The following AIG1 variants were observed in gnomAD, a reference collection of about 807,000 sequenced individuals.
AIG1 encodes the protein androgen-induced gene 1 protein.
In AIG1, 23 loss-of-function variants were observed where a neutral mutation model predicts 31.4. The observed-to-expected ratio is 0.73, with a 90% confidence interval of 0.53 to 1.04. The LOEUF (loss-of-function observed/expected upper bound fraction) is 1.04. AIG1 is among the 50% of genes least tolerant of loss of function. The probability of loss-of-function intolerance (pLI) is 0.00; values close to 1 mark genes in which losing one functional copy is unlikely to be tolerated. For synonymous variants in AIG1, 100 were observed against 110.5 expected (o/e 0.90, Z 0.60); for missense variants, 274 against 295.0 (o/e 0.93, Z 0.52).
intron 4 of AIG1, among the ~76,000 whole-genome samples, chr6:143,307,323 T>C (rs1308681647): frequency 6.6e-6 from 1 of 152,162 alleles, no homozygotes; most frequent in Admixed American, 6.5e-5. Context: ...TCCCCATCTT[T>C]GTGGTTTTAT....
chr6:143,184,897 A>G (rs1020391394), intron 3 of AIG1, among the ~76,000 whole-genome samples: 10 of 152,124 alleles, frequency 6.6e-5, no homozygotes, highest in Admixed American at 3.9e-4. Context: ...GCAACCCCCA[A>G]TAGAAAATAT....
intron 2 of AIG1, among the ~76,000 whole-genome samples, chr6:143,153,788 A>T (rs1457552751): frequency 6.6e-6 from 1 of 152,164 alleles, no homozygotes; most frequent in African/African-American, 2.4e-5. Flanking sequence ...AGTTTCTTCT[A>T]GAATGATTAA....
intron 3 of AIG1, among the ~76,000 whole-genome samples, chr6:143,228,585 G>T (rs908671603): frequency 2.0e-5 from 3 of 152,208 alleles, no homozygotes; most frequent in African/African-American, 7.2e-5. Flanking sequence ...CAGCTGAGGA[G>T]CAGGAAAGAG....
chr6:143,172,276 G>A (rs1787711030), intron 3 of AIG1, among the ~76,000 whole-genome samples: 1 of 152,142 alleles, frequency 6.6e-6, no homozygotes, highest in African/African-American at 2.4e-5. Flanking sequence ...ATGTCTAGAA[G>A]GGTTTTGCTG....
intron 3 of AIG1, among the ~76,000 whole-genome samples, chr6:143,202,159 C>T (rs1458011339): frequency 6.6e-6 from 1 of 152,222 alleles, no homozygotes; most frequent in African/African-American, 2.4e-5. Context: ...CTCATTCCTA[C>T]TGTGCCATTG....
chr6:143,157,351 G>T (rs2328454), intron 2 of AIG1, among the ~76,000 whole-genome samples: 1 of 151,518 alleles, frequency 6.6e-6, no homozygotes, highest in East Asian at 1.9e-4. Flanking sequence ...ACCACAATCC[G>T]CAGAGTGCTC....
chr6:143,168,797 C>T (rs977220799), intron 3 of AIG1, among the ~76,000 whole-genome samples: 2 of 151,936 alleles, frequency 1.3e-5, no homozygotes, highest in African/African-American at 4.8e-5. Flanking sequence ...GAGTGAGACC[C>T]TGTCTCAAGA....
At chr6:143,269,961 C>T (rs1796397319) in intron 3 of AIG1, among the ~76,000 whole-genome samples, 1 of 152,076 alleles carries the variant, frequency 6.6e-6, no homozygotes, top group Admixed American at 6.5e-5. Flanking sequence ...GTGCACTTTT[C>T]TGTGATATGG....
At chr6:143,337,278 G>A (rs1237155688) in intron 5 of AIG1, among the ~76,000 whole-genome samples, 2 of 152,198 alleles carry the variant, frequency 1.3e-5, no homozygotes, top group Non-Finnish European at 2.9e-5. Context: ...GCAAGTCATG[G>A]GGGTCCAAGC....
In AIG1 at chr6:143,175,965, G is replaced by C. The variant is rs967093216; in HGVS notation, c.399+10782G>C. On this transcript the variant is annotated intron_variant, in intron 3 of 5. Coordinates refer to ENST00000357847, the MANE Select transcript of AIG1 (RefSeq NM_016108.4). ...TCAGACGGAAGATCTGGGATTCAAG[G>C]CTGCTGTTCAGATTCTTTGGTCCCT... is the stretch of plus-strand genomic sequence containing the variant. 1.3e-5 allele frequency among the ~76,000 whole-genome samples: 2 copies of C among 152,302 alleles called. 1 individual carries two copies. Among genetic ancestry groups the C allele is most frequent in the Admixed American group, 1.3e-4 (2 of 15,300 alleles).
At chr6:143,159,505 G>A (rs546758334) in intron 2 of AIG1, among the ~76,000 whole-genome samples, 15 of 152,314 alleles carry the variant, frequency 9.8e-5, no homozygotes, top group Non-Finnish European at 2.2e-4. Context: ...CTGGTTTTAA[G>A]ATAATTTGGG....
chr6:143,285,798 A>G (rs1797645119), intron 4 of AIG1, among the ~76,000 whole-genome samples: 2 of 152,024 alleles, frequency 1.3e-5, no homozygotes, highest in Admixed American at 6.5e-5. Context: ...TCTCTGATAA[A>G]AAATGTCCAA....
intron 2 of AIG1, among the ~76,000 whole-genome samples, chr6:143,150,046 A>G (rs1397680211): frequency 6.6e-6 from 1 of 152,220 alleles, no homozygotes; most frequent in Non-Finnish European, 1.5e-5. Flanking sequence ...TGACACCTAC[A>G]CCGTGAAATA....
chr6:143,248,065 C>T (rs938233316), intron 3 of AIG1, among the ~76,000 whole-genome samples: 4 of 152,144 alleles, frequency 2.6e-5, no homozygotes, highest in Non-Finnish European at 2.9e-5. Context: ...CTCAAAAGTA[C>T]TTGTTTGTGG....
chr6:143,111,616 C>T (rs955294604), intron 1 of AIG1, among the ~76,000 whole-genome samples: 1 of 152,196 alleles, frequency 6.6e-6, no homozygotes, highest in Non-Finnish European at 1.5e-5. Context: ...CTGAAATATC[C>T]TACACTACAA....
At chr6:143,295,986 A>T (rs939712618) in intron 4 of AIG1, among the ~76,000 whole-genome samples, 1 of 152,142 alleles carries the variant, frequency 6.6e-6, no homozygotes, top group African/African-American at 2.4e-5. Flanking sequence ...TCTAAGATAG[A>T]CTTTAATAAG....
rs541531205 is a variant in AIG1 at position 143,113,144 on chromosome 6, C to T, written c.142-23691C>T. 7.0e-4 allele frequency among the ~76,000 whole-genome samples: 106 copies of T among 150,764 alleles called. 1 individual carries two copies. The highest frequency in any genetic ancestry group is 1.6e-3 in the Admixed American group (24 of 15,108). ...TTGAGGCTGCAGTGAGCTGGGATCA[C>T]GCCACTACTGCACTCCAGCCTGGGC... On this transcript the variant is annotated intron_variant, in intron 1 of 5. Transcript: ENST00000357847.
At chr6:143,146,321 A>G (rs1784703771) in intron 2 of AIG1, among the ~76,000 whole-genome samples, 1 of 152,206 alleles carries the variant, frequency 6.6e-6, no homozygotes, top group South Asian at 2.1e-4. Context: ...TTTCATGAAC[A>G]CTAGACATGT....
chr6:143,273,679 G>A (rs1197561848), intron 3 of AIG1, among the ~76,000 whole-genome samples: 2 of 152,178 alleles, frequency 1.3e-5, no homozygotes, highest in African/African-American at 4.8e-5. Flanking sequence ...TGTCTTACAT[G>A]GTGGCAGGCA....
Sources: allele counts gnomAD v4.1 joint callset (sites outside exome capture counted in the v4.1 genomes callset), GRCh38; gene constraint gnomAD v4.1.1; transcripts MANE v1.5; gene names NCBI Gene and HGNC (gene_info 2026-07-23, HGNC 2026-07-21).